Variants in KIAA0930 observed in about 807,000 individuals in gnomAD.
The protein encoded by KIAA0930 is uncharacterized protein KIAA0930.
KIAA0930 carries 24 observed loss-of-function variants against 43.9 expected under a neutral mutation model. The observed-to-expected ratio is 0.55, with a 90% confidence interval of 0.40 to 0.77. The LOEUF (loss-of-function observed/expected upper bound fraction) is 0.77. Ranked by LOEUF, KIAA0930 falls within the 30% of genes least tolerant of loss-of-function variation. The pLI is 0.00. For missense variants in KIAA0930, 461 were observed against 574.2 expected (o/e 0.80, Z 2.02); for synonymous variants, 259 against 216.4 (o/e 1.20, Z -1.73).
At position 45,202,733 on chromosome 22, in the gene KIAA0930, C is replaced by T. The variant is rs1023793871; in HGVS notation, c.852+257G>A. On this transcript the variant is annotated intron_variant, in intron 7 of 9. Transcript: ENST00000336156. ...AGAGCTCTGGCCCAGCACCAGCCTG[C>T]GGTGTGACCTTGGCCAGGCACAGCC... 1.3e-4 allele frequency: 56 copies of T among 417,098 alleles called. 1 individual carries two copies. The highest frequency in any genetic ancestry group is 6.2e-4 in the South Asian group (14 of 22,598). 25.8% of individuals were successfully genotyped at this position (417,098 alleles called of 1,614,324 possible). A position where few individuals can be genotyped will look rare whatever the true frequency, so the allele number is the denominator to read the frequency against.
intron 2 of KIAA0930, among the ~76,000 whole-genome samples, chr22:45,209,118 C>T (rs1029976421): frequency 2.0e-5 from 3 of 152,230 alleles, no homozygotes; most frequent in Non-Finnish European, 4.4e-5. Flanking sequence ...TCCTGGCATC[C>T]TGTCCCCCTG....
At chr22:45,214,165 A>G (rs2083716996) in intron 1 of KIAA0930, among the ~76,000 whole-genome samples, 1 of 152,218 alleles carries the variant, frequency 6.6e-6, no homozygotes, top group African/African-American at 2.4e-5. Flanking sequence ...CAACAGAACG[A>G]GACTCTGTCT....
At chr22:45,220,556 C>G (rs1212465564) in intron 1 of KIAA0930, among the ~76,000 whole-genome samples, 1 of 152,144 alleles carries the variant, frequency 6.6e-6, no homozygotes, top group Non-Finnish European at 1.5e-5. Context: ...AGCATTCAAT[C>G]AAATTCAACA....
chr22:45,233,997 T>A (rs998942703), intron 1 of KIAA0930, among the ~76,000 whole-genome samples: 1 of 152,104 alleles, frequency 6.6e-6, no homozygotes, highest in Admixed American at 6.5e-5. Context: ...GCTTCCCCAA[T>A]CCCACAGAAC....
chr22:45,228,779 C>A lies in KIAA0930; in HGVS notation c.64+11861G>T, dbSNP rs1209822397. 2.4e-5 allele frequency among the ~76,000 whole-genome samples: 2 copies of A among 84,508 alleles called. 1 individual carries two copies. Among genetic ancestry groups the A allele is most frequent in the Non-Finnish European group, 4.6e-5 (2 of 43,718 alleles). The allele number at this position is 84,508 out of a possible 152,430, so 55.4% of individuals were successfully genotyped here. ...ACCCGAAAGATCCCTCCCCATCCCC[C>A]CCAACCACCAAACACTCACCTGAGA... On this transcript the variant is annotated intron_variant, in intron 1 of 9. Coordinates refer to ENST00000336156, the MANE Select transcript of KIAA0930 (RefSeq NM_001009880.2).
chr22:45,234,731 T>C (rs2083876251), intron 1 of KIAA0930, among the ~76,000 whole-genome samples: 1 of 152,238 alleles, frequency 6.6e-6, no homozygotes, highest in Admixed American at 6.5e-5. Context: ...TCCAACCACA[T>C]GAGACCAATT....
intron 9 of KIAA0930, 81 bp downstream of exon 9, chr22:45,197,709 G>A (rs2083549938): frequency 1.4e-6 from 2 of 1,478,948 alleles, no homozygotes; most frequent in Non-Finnish European, 1.9e-6. Flanking sequence ...ATGACTCCGG[G>A]TGGCTCACAA....
At chr22:45,231,223 GAAAAA>G (rs529570003) in intron 1 of KIAA0930, among the ~76,000 whole-genome samples, 2 of 47,450 alleles carry the variant, frequency 4.2e-5, no homozygotes, top group African/African-American at 1.1e-4. Context: ...CTCCGTCTCA[GAAAAA>G]AAAAAAAAAA....
chr22:45,213,574 C>T, intron 1 of KIAA0930: 1 of 940,962 alleles, frequency 1.1e-6, no homozygotes, highest in Non-Finnish European at 1.4e-6. Context: ...AGTCACGCTA[C>T]TACAGACCCT....
intron 1 of KIAA0930, among the ~76,000 whole-genome samples, chr22:45,234,914 T>C (rs1468097157): frequency 6.6e-6 from 1 of 152,210 alleles, no homozygotes. Context: ...AGGGCAGGAC[T>C]TTGCAAAGTT....
At chr22:45,234,850 G>C (rs2083877088) in intron 1 of KIAA0930, among the ~76,000 whole-genome samples, 1 of 152,176 alleles carries the variant, frequency 6.6e-6, no homozygotes, top group African/African-American at 2.4e-5. Flanking sequence ...GCGTGATTAA[G>C]AAACCTGCAT....
chr22:45,216,173 G>A (rs1456726841), intron 1 of KIAA0930, among the ~76,000 whole-genome samples: 1 of 152,184 alleles, frequency 6.6e-6, no homozygotes, highest in East Asian at 1.9e-4. Flanking sequence ...TCTGATTCCC[G>A]GAGGCACAGT....
At chr22:45,210,625 G>C (rs2235162) in intron 2 of KIAA0930, among the ~76,000 whole-genome samples, 1 of 152,022 alleles carries the variant, frequency 6.6e-6, no homozygotes, top group South Asian at 2.1e-4. Flanking sequence ...CTGGTCTCTC[G>C]ATTGTACACC....
chr22:45,229,589 G>A (rs540772261), intron 1 of KIAA0930, among the ~76,000 whole-genome samples: 19 of 152,296 alleles, frequency 1.2e-4, no homozygotes, highest in East Asian at 5.8e-4. Flanking sequence ...TTCCACCAAC[G>A]GGTCAGGAAG....
At chr22:45,204,038 C>T (rs1183498002) in intron 5 of KIAA0930, 53 bp from the exon 6 acceptor site, 10 of 1,608,676 alleles carry the variant, frequency 6.2e-6, no homozygotes, top group Non-Finnish European at 8.5e-6. Context: ...CCACCGCCCA[C>T]ACCACAGCCT....
Position 45,217,360 on chromosome 22 carries a change from CAAAAAAAAAAAAAAAA to C in KIAA0930, c.65-5269_65-5254del, listed in dbSNP as rs58492110. On this transcript the variant is annotated intron_variant, in intron 1 of 9. Transcript: ENST00000336156. ...TGGGAGACAGAGCAAGACCCCGTCT[CAAAAAAAAAAAAAAAA>C]AAAAAAAAAAAAGACACCATATTTA... Among the ~76,000 whole-genome samples, 461 of 68,758 alleles carry C rather than the reference CAAAAAAAAAAAAAAAA, an allele frequency of 6.7e-3. 5 individuals carry two copies. Among genetic ancestry groups the C allele is most frequent in the African/African-American group, 0.026 (442 of 16,780 alleles). 45.1% of individuals were successfully genotyped at this position (68,758 alleles called of 152,430 possible).
chr22:45,212,904 A>G (rs1053179834), intron 1 of KIAA0930, among the ~76,000 whole-genome samples: 2 of 152,192 alleles, frequency 1.3e-5, no homozygotes, highest in Non-Finnish European at 2.9e-5. Context: ...AGCAGGATCA[A>G]CATAGGTGGG....
At chr22:45,230,257 G>A (rs998003264) in intron 1 of KIAA0930, among the ~76,000 whole-genome samples, 1 of 152,152 alleles carries the variant, frequency 6.6e-6, no homozygotes, top group East Asian at 1.9e-4. Flanking sequence ...GTCACGTCTT[G>A]GTCAGGCTGA....
chr22:45,235,507 G>A (rs1423658064), intron 1 of KIAA0930: 3 of 152,350 alleles, frequency 2.0e-5, no homozygotes, highest in African/African-American at 7.2e-5. Flanking sequence ...CCGCTGCGCT[G>A]GCCCACAACT....
Sources: gnomAD v4.1 joint callset for allele counts (sites outside exome capture counted in the v4.1 genomes callset) on GRCh38, gnomAD v4.1.1 for gene constraint, MANE v1.5 for transcripts, NCBI Gene and HGNC (gene_info 2026-07-23, HGNC 2026-07-21) for gene names.